The following FOXP1 variants were observed in gnomAD, a reference collection of about 807,000 sequenced individuals.
FOXP1 encodes the protein forkhead box protein P1.
A neutral mutation model predicts 98.2 loss-of-function variants in FOXP1; 15 were observed. That is an observed-to-expected ratio of 0.15 (90% CI 0.10 to 0.24). The LOEUF (loss-of-function observed/expected upper bound fraction) is 0.24, where lower values mean the gene tolerates loss of function less well. Ranked by LOEUF, FOXP1 falls within the 10% of genes least tolerant of loss-of-function variation. FOXP1 has a pLI of 1.00. For missense variants in FOXP1, 633 were observed against 848.5 expected (o/e 0.75, Z 3.15); for synonymous variants, 371 against 314.5 (o/e 1.18, Z -1.90).
At chr3:71,522,222 C>T (rs1364629778) in intron 2 of FOXP1, among the ~76,000 whole-genome samples, 1 of 152,174 alleles carries the variant, frequency 6.6e-6, no homozygotes, top group Non-Finnish European at 1.5e-5. Context: ...GGTCCCTGGG[C>T]TCATCTGTCC....
chr3:71,194,274 A>AG (rs1553774910), intron 6 of FOXP1, among the ~76,000 whole-genome samples: 15 of 151,758 alleles, frequency 9.9e-5, no homozygotes, highest in Admixed American at 5.2e-4. Context: ...AAAAAAAAAA[A>AG]AAAGAAAGAA....
chr3:71,462,740 G>A (rs2088269833), intron 3 of FOXP1, among the ~76,000 whole-genome samples: 1 of 152,124 alleles, frequency 6.6e-6, no homozygotes. Context: ...ATCCGATGAA[G>A]GAAAATTCAA....
intron 12 of FOXP1, among the ~76,000 whole-genome samples, chr3:71,003,706 T>C (rs1352128898): frequency 1.3e-5 from 2 of 152,138 alleles, no homozygotes; most frequent in South Asian, 4.1e-4. Flanking sequence ...GGAAATATGA[T>C]TGGAGGATTT....
chr3:71,409,312 A>G (rs568907384), intron 3 of FOXP1, among the ~76,000 whole-genome samples: 3 of 152,330 alleles, frequency 2.0e-5, no homozygotes, highest in African/African-American at 2.4e-5. Context: ...CCCATCTAGG[A>G]TAAAAGTGCC....
intron 6 of FOXP1, among the ~76,000 whole-genome samples, chr3:71,117,910 G>C (rs9844845): frequency 0.28 from 42,164 of 152,042 alleles, 6,395 homozygotes; most frequent in East Asian, 0.6. Context: ...CAGGCACTTA[G>C]AGCCCAGTTG....
intron 5 of FOXP1, among the ~76,000 whole-genome samples, chr3:71,207,311 A>C (rs6549381): frequency 0.84 from 126,238 of 150,990 alleles, 52,850 homozygotes; most frequent in Admixed American, 0.9. Context: ...TTCATAACAT[A>C]GATTAATGAC....
intron 5 of FOXP1, among the ~76,000 whole-genome samples, chr3:71,270,174 T>C (rs1222004930): frequency 6.6e-6 from 1 of 152,192 alleles, no homozygotes; most frequent in East Asian, 1.9e-4. Flanking sequence ...CACCAGCAAG[T>C]TGTTTATTAT....
At chr3:71,380,538 G>A (rs919181526) in intron 3 of FOXP1, among the ~76,000 whole-genome samples, 1 of 152,154 alleles carries the variant, frequency 6.6e-6, no homozygotes, top group Non-Finnish European at 1.5e-5. Flanking sequence ...TGATGGAAAT[G>A]TTGTTTCTAA....
intron 6 of FOXP1, among the ~76,000 whole-genome samples, chr3:71,161,582 T>TA (rs2061137941): frequency 6.6e-6 from 1 of 152,234 alleles, no homozygotes. Context: ...AGAAGGCACT[T>TA]AGACTCTACC....
At chr3:70,992,463 A>G (rs1228464891) in intron 13 of FOXP1, among the ~76,000 whole-genome samples, 1 of 152,198 alleles carries the variant, frequency 6.6e-6, no homozygotes, top group African/African-American at 2.4e-5. Flanking sequence ...GAAGGAGCAG[A>G]ACTCAAATTA....
At chr3:71,396,971 T>TATATATATACAC (rs2081459864) in intron 3 of FOXP1, among the ~76,000 whole-genome samples, 1 of 18,564 alleles carries the variant, frequency 5.4e-5, no homozygotes, top group Admixed American at 3.5e-4. Flanking sequence ...TATGTGTGTA[T>TATATATATACAC]ATATATATAT....
At chr3:71,520,274 C>T (rs1322183507) in intron 2 of FOXP1, among the ~76,000 whole-genome samples, 1 of 152,194 alleles carries the variant, frequency 6.6e-6, no homozygotes, top group Non-Finnish European at 1.5e-5. Flanking sequence ...ATTTTACATT[C>T]CTTTTCAATG....
intron 4 of FOXP1, among the ~76,000 whole-genome samples, chr3:71,311,906 C>T (rs2074712728): frequency 6.6e-6 from 1 of 152,168 alleles, no homozygotes; most frequent in African/African-American, 2.4e-5. Context: ...ATCTGCAGAT[C>T]CCAGCTCCCT....
At chr3:71,053,019 C>T (rs771323655) in intron 8 of FOXP1, among the ~76,000 whole-genome samples, 19 of 152,120 alleles carry the variant, frequency 1.2e-4, no homozygotes, top group African/African-American at 4.1e-4. Context: ...TGGGAGCTTC[C>T]GCTGCATCCT....
At chr3:71,141,375 G>A (rs59540510) in intron 6 of FOXP1, among the ~76,000 whole-genome samples, 3,268 of 151,480 alleles carry the variant, frequency 0.022, 135 homozygotes, top group African/African-American at 0.075. Context: ...TTTCAAGGAC[G>A]ACACAAAAAT....
chr3:71,490,204 GA>G (rs1213196823), intron 3 of FOXP1, among the ~76,000 whole-genome samples: 1 of 151,986 alleles, frequency 6.6e-6, no homozygotes, highest in African/African-American at 2.4e-5. Context: ...TGCACCTTGA[GA>G]AAAAAATGGG....
Position 71,150,655 on chromosome 3 carries a change from C to T in FOXP1, c.181-38018G>A, listed in dbSNP as rs141718371. Among the ~76,000 whole-genome samples the T allele has an allele frequency of 7.9e-3, 1,195 of 152,168 alleles. 7 individuals carry two copies. The highest frequency in any genetic ancestry group is 0.012 in the Admixed American group (182 of 15,292). On this transcript the variant is annotated intron_variant, in intron 6 of 20. Coordinates refer to ENST00000649528, the MANE Select transcript of FOXP1 (RefSeq NM_001349338.3). ...TTACTTATTATTATTACTAGAATTT[C>T]CCCTTTGTTAAAAAAAAGCACTCTA...
intron 2 of FOXP1, among the ~76,000 whole-genome samples, chr3:71,511,496 TA>T (rs60459177): frequency 0.29 from 38,490 of 133,722 alleles, 5,278 homozygotes; most frequent in Non-Finnish European, 0.35. Flanking sequence ...GTAGAATTAA[TA>T]AAAAAAAAAA....
rs554610112 is a variant in FOXP1 at position 71,092,860 on chromosome 3, G to A, written c.282+19676C>T. Reference sequence around the variant, plus strand: ...GTAAAAGAAGGATATAGAGAGACACGTGACAAAGAGTTGCACAGATATACT... The same window carrying A: ...GTAAAAGAAGGATATAGAGAGACACATGACAAAGAGTTGCACAGATATACT... On this transcript the variant is annotated intron_variant, in intron 7 of 20. Transcript: ENST00000649528. Among the ~76,000 whole-genome samples, 20 of 152,102 alleles carry A rather than the reference G, an allele frequency of 1.3e-4. No individual in the cohort carries two copies. The South Asian group carries it at 3.7e-3, about 28-fold the overall frequency.
Sources: allele counts gnomAD v4.1 joint callset (sites outside exome capture counted in the v4.1 genomes callset), GRCh38; gene constraint gnomAD v4.1.1; transcripts MANE v1.5; gene names NCBI Gene and HGNC (gene_info 2026-07-23, HGNC 2026-07-21).